ZBED4: variants seen among roughly 807,000 people sequenced by gnomAD.
ZBED4 encodes zinc finger BED domain-containing protein 4.
A neutral mutation model predicts 15.5 loss-of-function variants in ZBED4; 4 were observed. That is an observed-to-expected ratio of 0.26 (90% confidence interval 0.13 to 0.59). ZBED4 has a LOEUF of 0.59. Among genes scored for constraint, ZBED4 ranks in the 20% least tolerant of loss-of-function variants. ZBED4 has a pLI of 0.90. For synonymous variants in ZBED4, 692 were observed against 608.5 expected, an observed-to-expected ratio of 1.14 and a Z score of -2.02; for missense variants, 1,323 against 1,461.8, an observed-to-expected ratio of 0.91 and a Z score of 1.55.
intron 1 of ZBED4, among the ~76,000 whole-genome samples, chr22:49,860,835 G>T (rs2147502179): frequency 6.7e-6 from 1 of 148,958 alleles, no homozygotes; most frequent in Non-Finnish European, 1.5e-5. Flanking sequence ...CTGGAGTGCA[G>T]TGGCTCGATC....
At chr22:49,857,913 C>G (rs1029952373) in intron 1 of ZBED4, among the ~76,000 whole-genome samples, 1 of 152,208 alleles carries the variant, frequency 6.6e-6, no homozygotes, top group Non-Finnish European at 1.5e-5. Context: ...GCGTGCGCCA[C>G]CGTGCCCGGT....
chr22:49,881,398 G>GT (rs896635926), intron 1 of ZBED4, among the ~76,000 whole-genome samples: 39 of 152,184 alleles, frequency 2.6e-4, no homozygotes, highest in Non-Finnish European at 8.8e-5. Flanking sequence ...TACAGTTGCT[G>GT]TTTTTTTGAG....
rs1421772784 is a variant in ZBED4, at chr22:49,885,284, T to C, written c.1622T>C (p.Leu541Ser). Residue 541 changes from leucine (L) to serine (S), a missense_variant, in exon 2 of 2, where the codon TTG (leucine) becomes TCG (serine). By Grantham distance (145) the Leu-to-Ser change is moderately radical. Transcript: ENST00000216268. Reference sequence around the variant, plus strand: ...AGTTCCTCTTCCAAATTGACTGACTTGCCAACAGTGGTCACAAAAAACAAT... The same window carrying C: ...AGTTCCTCTTCCAAATTGACTGACTCGCCAACAGTGGTCACAAAAAACAAT... ...AESSSSKLTD[L>S]PTVVTKNNQV... 1 of 1,596,042 alleles carries C rather than the reference T, an allele frequency of 6.3e-7. No homozygotes were observed. The highest frequency in any genetic ancestry group is 1.7e-5 in the Admixed American group (1 of 57,582).
chr22:49,881,777 C>G (rs2060410897), intron 1 of ZBED4, among the ~76,000 whole-genome samples: 1 of 152,190 alleles, frequency 6.6e-6, no homozygotes, highest in South Asian at 2.1e-4. Context: ...AAGCGATCCT[C>G]CCACCTCAGC....
At position 49,885,021 on chromosome 22, in the gene ZBED4, C is replaced by T. The variant is rs770046152; in HGVS notation, c.1359C>T (p.Val453=). The T allele has an allele frequency of 2.2e-5, 36 of 1,612,784 alleles. No individual in the cohort carries two copies. Among genetic ancestry groups the T allele is most frequent in the Non-Finnish European group, 3.1e-5 (36 of 1,179,388 alleles). Residue 453 remains valine, a synonymous_variant, in exon 2 of 2, where the codon GTC becomes GTT. Coordinates refer to ENST00000216268, the MANE Select transcript of ZBED4 (RefSeq NM_014838.3). The part of the protein sequence containing the change: ...SGAIFQQNKK[V]MKRLKSEVWH... ...CCATCTTCCAGCAGAATAAAAAGGT[C>T]ATGAAAAGACTGAAGTCGGAGGTCT... is the stretch of plus-strand genomic sequence containing the variant.
At chr22:49,871,766 T>TATTTA (rs1479097022) in intron 1 of ZBED4, among the ~76,000 whole-genome samples, 1 of 151,096 alleles carries the variant, frequency 6.6e-6, no homozygotes, top group Non-Finnish European at 1.5e-5. Context: ...TATTTTTTTT[T>TATTTA]TTTTTTGAGA....
Position 49,862,207 on chromosome 22 carries a change from T to C in ZBED4, c.-330+8218T>C, listed in dbSNP as rs2060300220. On this transcript the variant is annotated intron_variant, in intron 1 of 1. Transcript: ENST00000216268. ...AAGTCCCCGAGGGCGGTTGGCCCTG[T>C]GCGTGGAACCTATACGGAGCGGCCC... 1.3e-5 allele frequency among the ~76,000 whole-genome samples: 2 copies of C among 152,396 alleles called. 1 individual carries two copies. The highest frequency in any genetic ancestry group is 4.8e-5 in the African/African-American group (2 of 41,602).
intron 1 of ZBED4, among the ~76,000 whole-genome samples, chr22:49,881,858 T>C (rs1230262339): frequency 4.6e-5 from 7 of 152,156 alleles, no homozygotes; most frequent in African/African-American, 1.7e-4. Context: ...TTTTCTTTTT[T>C]ATCTGGCTGT....
At chr22:49,876,287 T>A (rs1258150545) in intron 1 of ZBED4, among the ~76,000 whole-genome samples, 2 of 152,230 alleles carry the variant, frequency 1.3e-5, no homozygotes, top group Non-Finnish European at 2.9e-5. Flanking sequence ...GCCCATTAGG[T>A]CAACTTGGAT....
intron 1 of ZBED4, among the ~76,000 whole-genome samples, chr22:49,869,132 A>G (rs2060334511): frequency 6.6e-6 from 1 of 151,770 alleles, no homozygotes; most frequent in Non-Finnish European, 1.5e-5. Flanking sequence ...AAAAAAAAAA[A>G]AAAAAGAAAA....
chr22:49,865,090 C>T (rs1464086136), intron 1 of ZBED4, among the ~76,000 whole-genome samples: 1 of 152,010 alleles, frequency 6.6e-6, no homozygotes, highest in Non-Finnish European at 1.5e-5. Context: ...ATGCGTTACT[C>T]AGCGATGTTG....
chr22:49,889,993 T>C lies in ZBED4; in HGVS notation c.*2815T>C, dbSNP rs1241407673. The stretch of plus-strand genomic sequence containing the variant: ...TCTCTTCAGTGAATGAAATTACCAG[T>C]CATTATACGAAGGGACTTTAAAAAA... On this transcript the variant is annotated 3_prime_UTR_variant, in exon 2 of 2. Coordinates refer to ENST00000216268, the MANE Select transcript of ZBED4 (RefSeq NM_014838.3). 2 of 167,050 alleles carry C rather than the reference T, an allele frequency of 1.2e-5. No individual in the cohort carries two copies. The highest frequency in any genetic ancestry group is 4.8e-5 in the African/African-American group (2 of 41,424). The allele number at this position is 167,050 out of a possible 1,614,324, so 10.3% of individuals were successfully genotyped here. A position where few individuals can be genotyped will look rare whatever the true frequency, so the allele number is the denominator to read the frequency against.
rs1276451344 is a variant in ZBED4 at position 49,887,884 on chromosome 22, T to A, written c.*706T>A. 6.0e-6 allele frequency: 1 copy of A among 167,280 alleles called. No individual in the cohort carries two copies. Among genetic ancestry groups the A allele is most frequent in the Non-Finnish European group, 1.5e-5 (1 of 68,144 alleles). The allele number at this position is 167,280 out of a possible 1,614,324, so 10.4% of individuals were successfully genotyped here. A position where few individuals can be genotyped will look rare whatever the true frequency, so the allele number is the denominator to read the frequency against. ...CTGTTTATCATCAGCTCCTCTGAAA[T>A]GTGATCCCTTTGTAACTGTGCTCAT... On this transcript the variant is annotated 3_prime_UTR_variant, in exon 2 of 2. Coordinates refer to ENST00000216268, the MANE Select transcript of ZBED4 (RefSeq NM_014838.3).
At chr22:49,853,461 C>G (rs960985908), upstream of ZBED4, 9 of 152,234 alleles carry the variant, frequency 5.9e-5, no homozygotes, top group Non-Finnish European at 1.3e-4. Context: ...CGCTGCTAGC[C>G]GTCCCGGAAA....
At chr22:49,881,308 C>T (rs775387062) in intron 1 of ZBED4, among the ~76,000 whole-genome samples, 13 of 152,262 alleles carry the variant, frequency 8.5e-5, no homozygotes, top group African/African-American at 1.9e-4. Context: ...GAGATCGTGC[C>T]GCTGCACACT....
intron 1 of ZBED4, among the ~76,000 whole-genome samples, chr22:49,881,874 G>A (rs1030338497): frequency 6.6e-6 from 1 of 152,050 alleles, no homozygotes; most frequent in African/African-American, 2.4e-5. Flanking sequence ...GCTGTACTTT[G>A]TAGAACTTAT....
intron 1 of ZBED4, among the ~76,000 whole-genome samples, chr22:49,863,095 C>CA (rs1376332419): frequency 6.6e-6 from 1 of 152,184 alleles, no homozygotes; most frequent in African/African-American, 2.4e-5. Flanking sequence ...TCGTGCATCT[C>CA]ACGGTCTAGA....
chr22:49,875,525 A>C (rs558166865), intron 1 of ZBED4, among the ~76,000 whole-genome samples: 1 of 150,406 alleles, frequency 6.6e-6, no homozygotes, highest in East Asian at 2.0e-4. Context: ...GGTTCCAGGG[A>C]TTCTCCTGCC....
At chr22:49,863,784 G>T (rs1428523062) in intron 1 of ZBED4, among the ~76,000 whole-genome samples, 1 of 152,166 alleles carries the variant, frequency 6.6e-6, no homozygotes, top group African/African-American at 2.4e-5. Context: ...AAATTCATCA[G>T]TTTTCACAAT....
Sources: gnomAD v4.1 joint callset for allele counts (sites outside exome capture counted in the v4.1 genomes callset) on GRCh38, gnomAD v4.1.1 for gene constraint, MANE v1.5 for transcripts, NCBI Gene and HGNC (gene_info 2026-07-23, HGNC 2026-07-21) for gene names.